Variants in IMMP2L observed in about 807,000 individuals in gnomAD.
The protein encoded by IMMP2L is inner mitochondrial membrane peptidase subunit 2.
Under a neutral mutation model 19.3 loss-of-function variants are expected in IMMP2L, and 18 were observed. The observed-to-expected ratio is 0.93, with a 90% CI of 0.64 to 1.38. IMMP2L has a LOEUF of 1.38. Ranked by LOEUF, IMMP2L falls within the 40% of genes most tolerant of loss-of-function variation. The pLI, the probability that IMMP2L is intolerant of heterozygous loss-of-function variation, is 0.00. For missense variants in IMMP2L, 233 were observed against 218.2 expected (o/e 1.07, Z -0.43); for synonymous variants, 76 against 73.0 (o/e 1.04, Z -0.21).
intron 4 of IMMP2L, chr7:110,962,966 A>G: frequency 6.8e-7 from 1 of 1,461,568 alleles, no homozygotes; most frequent in East Asian, 2.5e-5. Context: ...AGCAAGTACA[A>G]TAAATACGAC....
At position 111,522,080 on chromosome 7, in the gene IMMP2L, C is replaced by A. The variant is rs139510190; in HGVS notation, c.-2-631G>T. Among the ~76,000 whole-genome samples, 56 of 152,134 alleles carry A rather than the reference C, an allele frequency of 3.7e-4. 1 individual carries two copies. The highest frequency in any genetic ancestry group is 1.2e-3 in the African/African-American group (51 of 41,518). Reference sequence around the variant, plus strand: ...AAGATGACAAAGCAACAAAATGGAACGATCCTAGGTCCGCAACACCATGGA... The same window carrying A: ...AAGATGACAAAGCAACAAAATGGAAAGATCCTAGGTCCGCAACACCATGGA... On this transcript the variant is annotated intron_variant, in intron 1 of 5. Coordinates refer to ENST00000405709, the MANE Select transcript of IMMP2L (RefSeq NM_032549.4).
Position 110,982,410 on chromosome 7 carries a change from T to C in IMMP2L, c.240-18845A>G, listed in dbSNP as rs140327706. On this transcript the variant is annotated intron_variant, in intron 3 of 5. Transcript: ENST00000405709. ...AGTCAAGTAGTTTTAGCTGAGTCCATATTGCATAAGTGCTCATATTAAGGG... is the reference window on the plus strand; with the variant it reads ...AGTCAAGTAGTTTTAGCTGAGTCCACATTGCATAAGTGCTCATATTAAGGG... 4.0e-3 allele frequency among the ~76,000 whole-genome samples: 608 copies of C among 152,262 alleles called. 4 individuals are homozygous for C. Among genetic ancestry groups the C allele is most frequent in the African/African-American group, 0.014 (587 of 41,576 alleles).
chr7:111,299,329 C>T (rs528062152), intron 3 of IMMP2L, among the ~76,000 whole-genome samples: 2 of 152,150 alleles, frequency 1.3e-5, no homozygotes, highest in East Asian at 3.9e-4. Context: ...GCCAGAATAC[C>T]AAACAGTGGT....
At chr7:110,666,468 G>A (rs1259574630) in intron 5 of IMMP2L, among the ~76,000 whole-genome samples, 5 of 151,958 alleles carry the variant, frequency 3.3e-5, no homozygotes, top group African/African-American at 1.2e-4. Flanking sequence ...TAGAGATGGG[G>A]TTTCACCATG....
At chr7:111,327,574 CATAAT>C (rs1825452078) in intron 3 of IMMP2L, among the ~76,000 whole-genome samples, 1 of 151,462 alleles carries the variant, frequency 6.6e-6, no homozygotes, top group Non-Finnish European at 1.5e-5. Flanking sequence ...TGAGCAAATA[CATAAT>C]ATATTAATAA....
chr7:111,467,373 G>T (rs1401262756), intron 3 of IMMP2L, among the ~76,000 whole-genome samples: 1 of 152,116 alleles, frequency 6.6e-6, no homozygotes. Flanking sequence ...ATACAGTCCA[G>T]AAATATATTC....
intron 3 of IMMP2L, among the ~76,000 whole-genome samples, chr7:111,422,143 G>C (rs929909868): frequency 9.9e-5 from 15 of 151,798 alleles, no homozygotes; most frequent in Non-Finnish European, 1.5e-5. Flanking sequence ...AGTCTAGTTT[G>C]AAATCAGGTA....
At chr7:111,144,623 T>A (rs2129599866) in intron 3 of IMMP2L, among the ~76,000 whole-genome samples, 1 of 152,222 alleles carries the variant, frequency 6.6e-6, no homozygotes, top group South Asian at 2.1e-4. Context: ...AGTTAAAACA[T>A]ATTAAATCCA....
At chr7:110,950,852 A>ATATATATG (rs1554470782) in intron 4 of IMMP2L, among the ~76,000 whole-genome samples, 2 of 124,828 alleles carry the variant, frequency 1.6e-5, no homozygotes, top group African/African-American at 4.0e-5. Context: ...ATATATATAT[A>ATATATATG]TATATATATA....
intron 5 of IMMP2L, among the ~76,000 whole-genome samples, chr7:110,822,170 A>G (rs545904672): frequency 6.0e-4 from 92 of 152,258 alleles, no homozygotes; most frequent in African/African-American, 2.0e-3. Context: ...AATGACATCA[A>G]CAATTACTTA....
At chr7:111,221,834 T>C (rs1562941562) in intron 3 of IMMP2L, among the ~76,000 whole-genome samples, 1 of 151,924 alleles carries the variant, frequency 6.6e-6, no homozygotes, top group African/African-American at 2.4e-5. Flanking sequence ...GAAAAACGTC[T>C]CCTGCCAGAT....
intron 3 of IMMP2L, among the ~76,000 whole-genome samples, chr7:111,082,975 C>T (rs1225087046): frequency 6.6e-6 from 1 of 151,960 alleles, no homozygotes; most frequent in African/African-American, 2.4e-5. Context: ...AAGACTACTA[C>T]TCTGATTTTC....
At chr7:110,951,257 G>C (rs1458734897) in intron 4 of IMMP2L, among the ~76,000 whole-genome samples, 2 of 151,692 alleles carry the variant, frequency 1.3e-5, no homozygotes, top group African/African-American at 4.8e-5. Flanking sequence ...TTTCAAGAGG[G>C]TAGATCTCAT....
intron 3 of IMMP2L, among the ~76,000 whole-genome samples, chr7:111,455,566 C>T (rs1205190038): frequency 6.6e-6 from 1 of 150,540 alleles, no homozygotes; most frequent in African/African-American, 2.4e-5. Flanking sequence ...GAATCCAAAG[C>T]ACCATCATTA....
At chr7:111,356,594 G>A (rs1055144922) in intron 3 of IMMP2L, among the ~76,000 whole-genome samples, 10 of 152,072 alleles carry the variant, frequency 6.6e-5, no homozygotes, top group Non-Finnish European at 1.2e-4. Flanking sequence ...GCTTTTTAGT[G>A]TAGCACTGAA....
intron 3 of IMMP2L, among the ~76,000 whole-genome samples, chr7:111,151,808 T>C (rs1804102999): frequency 6.6e-6 from 1 of 152,008 alleles, no homozygotes; most frequent in Admixed American, 6.6e-5. Context: ...GCGTGGTGCA[T>C]GCCTGTAATC....
At chr7:111,176,405 T>C (rs777149321) in intron 3 of IMMP2L, among the ~76,000 whole-genome samples, 1 of 151,962 alleles carries the variant, frequency 6.6e-6, no homozygotes, top group Non-Finnish European at 1.5e-5. Context: ...AAAGAAAATG[T>C]GGTACATATA....
intron 5 of IMMP2L, among the ~76,000 whole-genome samples, chr7:110,861,275 C>T (rs539973268): frequency 5.3e-5 from 8 of 151,756 alleles, no homozygotes; most frequent in South Asian, 2.1e-4. Flanking sequence ...TTTTTGGTGA[C>T]GACAAACTTT....
At position 110,963,483 on chromosome 7, in the gene IMMP2L, C is replaced by T. The variant is rs768962384; in HGVS notation, c.305+17G>A. The T allele has an allele frequency of 1.9e-6, 3 of 1,541,334 alleles. No individual in the cohort carries two copies. The highest frequency in any genetic ancestry group is 4.5e-5 in the East Asian group (2 of 44,010). On this transcript the variant is annotated intron_variant, in intron 4 of 5. Transcript: ENST00000405709. The stretch of plus-strand genomic sequence containing the variant: ...GATATTTAAAACTTGAACTCAGAAA[C>T]AACAGTAAATACTTACCTGACAATA...
Sources: gnomAD v4.1 joint callset for allele counts (sites outside exome capture counted in the v4.1 genomes callset) on GRCh38, gnomAD v4.1.1 for gene constraint, MANE v1.5 for transcripts, NCBI Gene and HGNC (gene_info 2026-07-23, HGNC 2026-07-21) for gene names.